The following CCNT1 variants were observed in gnomAD, a reference collection of about 807,000 sequenced individuals.
The protein encoded by CCNT1 is cyclin-T1.
Under a neutral mutation model 67.3 loss-of-function variants are expected in CCNT1, and 18 were observed. The observed-to-expected ratio is 0.27, with a 90% CI of 0.18 to 0.40. CCNT1 has a LOEUF of 0.40. Ranked by LOEUF, CCNT1 falls within the 10% of genes least tolerant of loss-of-function variation. The pLI is 1.00. For missense variants in CCNT1, 744 were observed against 884.9 expected (o/e 0.84, Z 2.02); for synonymous variants, 333 against 310.3 (o/e 1.07, Z -0.77).
chr12:48,704,455 T>C (rs1940323443), intron 3 of CCNT1, among the ~76,000 whole-genome samples: 1 of 152,158 alleles, frequency 6.6e-6, no homozygotes, highest in South Asian at 2.1e-4. Context: ...GAGAATCTAA[T>C]GCCTGATGAT....
intron 2 of CCNT1, 47 bp from the exon 3 acceptor site, chr12:48,705,943 C>T: frequency 6.4e-7 from 1 of 1,570,616 alleles, no homozygotes; most frequent in Non-Finnish European, 8.7e-7. Flanking sequence ...TTTATTCATT[C>T]ATAGAGTAAG....
At chr12:48,705,982 A>G in intron 2 of CCNT1, 86 bp from the exon 3 acceptor site, 1 of 1,324,388 alleles carries the variant, frequency 7.6e-7, no homozygotes, top group South Asian at 1.5e-5. Context: ...TAAGTCTCAA[A>G]TCAAGTTATT....
intron 2 of CCNT1, 61 bp downstream of exon 2, chr12:48,714,382 T>C (rs1046408778): frequency 2.9e-6 from 3 of 1,049,664 alleles, no homozygotes; most frequent in African/African-American, 1.6e-5. Flanking sequence ...CAACCACAAA[T>C]GGAATAGGTA....
intron 2 of CCNT1, among the ~76,000 whole-genome samples, chr12:48,709,153 A>G (rs11834833): frequency 0.013 from 2,030 of 152,298 alleles, 43 homozygotes; most frequent in African/African-American, 0.046. Context: ...TTTTAAGCCT[A>G]TTAGAAACTA....
At position 48,690,156 on chromosome 12, in the gene CCNT1, G is replaced by A. The variant is rs1267781559; in HGVS notation, c.*2877C>T. Reference sequence around the variant, plus strand: ...CTACAGTTCAGCTAACAGCAACACAGGTATCTGATTAAAAGCCTTAAGGAC... The same window carrying A: ...CTACAGTTCAGCTAACAGCAACACAAGTATCTGATTAAAAGCCTTAAGGAC... On this transcript the variant is annotated 3_prime_UTR_variant, in exon 9 of 9. Coordinates refer to ENST00000261900, the MANE Select transcript of CCNT1 (RefSeq NM_001240.4). 1.3e-5 allele frequency: 2 copies of A among 152,140 alleles called. No individual in the cohort carries two copies. Among genetic ancestry groups the A allele is most frequent in the African/African-American group, 2.4e-5 (1 of 41,424 alleles). 9.4% of individuals were successfully genotyped at this position (152,140 alleles called of 1,614,324 possible). A position where few individuals can be genotyped will look rare whatever the true frequency, so the allele number is the denominator to read the frequency against.
Position 48,697,532 on chromosome 12 carries a change from A to ATAT in CCNT1, c.542+605_542+606insATA, listed in dbSNP as rs1435532161. ...AGTGAGACTCTGTCTTAAAAAAAAA[A>ATAT]AAATATATATATATATATATATATA... On this transcript the variant is annotated intron_variant, in intron 6 of 8. Transcript: ENST00000261900. Among the ~76,000 whole-genome samples the ATAT allele has an allele frequency of 4.6e-3, 552 of 119,062 alleles. 6 individuals are homozygous for ATAT. Among genetic ancestry groups the ATAT allele is most frequent in the African/African-American group, 0.017 (527 of 30,744 alleles). 78.1% of individuals were successfully genotyped at this position (119,062 alleles called of 152,430 possible).
rs967603784 is a variant in CCNT1 at position 48,691,134 on chromosome 12, A to G, written c.*1899T>C. 1 of 152,234 alleles carries G rather than the reference A, an allele frequency of 6.6e-6. No homozygotes were observed. Among genetic ancestry groups the G allele is most frequent in the Non-Finnish European group, 1.5e-5 (1 of 68,044 alleles). 9.4% of individuals were successfully genotyped at this position (152,234 alleles called of 1,614,324 possible). A position where few individuals can be genotyped will look rare whatever the true frequency, so the allele number is the denominator to read the frequency against. On this transcript the variant is annotated 3_prime_UTR_variant, in exon 9 of 9. Coordinates refer to ENST00000261900, the MANE Select transcript of CCNT1 (RefSeq NM_001240.4). ...ACAGAGAGCTCCTCGTTTTATACCC[A>G]GCAATGGCAGGAACTCTAGACAGTT...
Position 48,693,109 on chromosome 12 carries a change from G to A in CCNT1, c.2105C>T (p.Ser702Phe). The A allele has an allele frequency of 6.2e-7, 1 of 1,614,124 alleles. No individual in the cohort carries two copies. The highest frequency in any genetic ancestry group is 1.1e-5 in the South Asian group (1 of 91,082). ...TGGCCGGGGTTTGTCTGTATTGCCA[G>A]ATCTCGAGGAGATTCCACCAGACCG... ...NPRSGGISSR[S>F]GNTDKPRPPP... Residue 702 changes from serine (S) to phenylalanine (F), a missense_variant, in exon 9 of 9, where the codon TCT becomes TTT. This residue lies in a region of CCNT1 where 564 missense variants were observed against 574.2 expected (regional missense o/e 0.98). Coordinates refer to ENST00000261900, the MANE Select transcript of CCNT1 (RefSeq NM_001240.4).
intron 3 of CCNT1, among the ~76,000 whole-genome samples, chr12:48,704,787 G>A (rs1028815891): frequency 7.2e-5 from 11 of 151,994 alleles, no homozygotes; most frequent in East Asian, 3.9e-4. Flanking sequence ...CCAGCCTGGC[G>A]ACAAGAGCAA....
intron 2 of CCNT1, among the ~76,000 whole-genome samples, chr12:48,707,288 CTTT>C (rs779298084): frequency 7.5e-5 from 10 of 133,250 alleles, no homozygotes; most frequent in African/African-American, 1.2e-4. Flanking sequence ...TTTTTTCTTT[CTTT>C]TTTTTTTTTT....
intron 8 of CCNT1, among the ~76,000 whole-genome samples, chr12:48,695,479 T>C (rs1940153606): frequency 1.3e-5 from 2 of 152,132 alleles, no homozygotes; most frequent in Non-Finnish European, 2.9e-5. Flanking sequence ...CGAGAAGCCA[T>C]GTTTTTTCCC....
chr12:48,705,745 C>T (rs778193076), intron 3 of CCNT1, 23 bp downstream of exon 3: 2 of 1,583,812 alleles, frequency 1.3e-6, no homozygotes, highest in African/African-American at 2.7e-5. Flanking sequence ...TTAAGAAAAA[C>T]AGATGTGTAA....
At chr12:48,698,411 T>C (rs1940213950) in intron 5 of CCNT1, among the ~76,000 whole-genome samples, 1 of 152,196 alleles carries the variant, frequency 6.6e-6, no homozygotes, top group Admixed American at 6.5e-5. Flanking sequence ...CAGATCTAGG[T>C]ACTCAAGCTT....
At position 48,694,495 on chromosome 12, in the gene CCNT1, G is replaced by A. The variant is rs555137940; in HGVS notation, c.778-59C>T. The A allele has an allele frequency of 2.8e-6, 4 of 1,453,596 alleles. No homozygotes were observed. The East Asian group carries it at 9.1e-5, about 33-fold the overall frequency. The allele number at this position is 1,453,596 out of a possible 1,614,324, so 90.0% of individuals were successfully genotyped here. A position where few individuals can be genotyped will look rare whatever the true frequency, so the allele number is the denominator to read the frequency against. On this transcript the variant is annotated intron_variant, in intron 8 of 8. Coordinates refer to ENST00000261900, the MANE Select transcript of CCNT1 (RefSeq NM_001240.4). Reference sequence around the variant, plus strand: ...GTAATTTACTAAATAAAAAAACACTGAGATGAGTAGATTGTACTTGCAGCA... The same window carrying A: ...GTAATTTACTAAATAAAAAAACACTAAGATGAGTAGATTGTACTTGCAGCA...
intron 2 of CCNT1, among the ~76,000 whole-genome samples, chr12:48,712,365 C>T (rs942861872): frequency 4.0e-5 from 6 of 151,380 alleles, no homozygotes; most frequent in African/African-American, 1.2e-4. Flanking sequence ...ACCACAACCT[C>T]GGCCTCCCCA....
At chr12:48,706,032 C>A (rs1940352675) in intron 2 of CCNT1, 136 bp from the exon 3 acceptor site, 2 of 699,416 alleles carry the variant, frequency 2.9e-6, no homozygotes, top group Non-Finnish European at 4.5e-6. Context: ...CCTTTCCCGC[C>A]CCCCCGCTTC....
rs146365302 is a variant in CCNT1 at position 48,715,806 on chromosome 12, T to C, written c.161+709A>G. 6.3e-4 allele frequency among the ~76,000 whole-genome samples: 96 copies of C among 152,302 alleles called. 2 individuals are homozygous for C. The East Asian group carries it at 0.017, about 27-fold the overall frequency. On this transcript the variant is annotated intron_variant, in intron 1 of 8. Coordinates refer to ENST00000261900, the MANE Select transcript of CCNT1 (RefSeq NM_001240.4). ...ATGAAATACATATCATCACTCTAAG[T>C]AAGTTAAGGACCCGGTATTTTGTAA... is the stretch of plus-strand genomic sequence containing the variant.
intron 4 of CCNT1, among the ~76,000 whole-genome samples, chr12:48,700,399 A>G (rs1037453051): frequency 6.6e-5 from 10 of 151,976 alleles, no homozygotes. Flanking sequence ...TCATATATAT[A>G]TATGTACAAA....
rs1361344927 is a variant in CCNT1, at chr12:48,693,587, C to T, written c.1627G>A (p.Gly543Ser). The change falls in exon 9 of 9, where the codon GGT becomes AGT. Residue 543 changes from glycine to serine, a missense_variant. By Grantham distance (56) the Gly-to-Ser change is moderately conservative. Transcript: ENST00000261900. ...LPVGTGNKRPGDPKHSSQTSN... is the reference protein window; with the variant it reads ...LPVGTGNKRPSDPKHSSQTSN... ...GTCTGGCTACTATGTTTTGGATCAC[C>T]AGGACGTTTGTTCCCAGTACCAACT... The T allele has an allele frequency of 1.9e-6, 3 of 1,614,108 alleles. No individual in the cohort carries two copies. The highest frequency in any genetic ancestry group is 1.7e-5 in the Admixed American group (1 of 60,018).
Sources: gnomAD v4.1 joint callset for allele counts (sites outside exome capture counted in the v4.1 genomes callset) on GRCh38, gnomAD v4.1.1 for gene constraint, gnomAD v4.1.1 regional missense constraint, MANE v1.5 for transcripts, NCBI Gene and HGNC (gene_info 2026-07-23, HGNC 2026-07-21) for gene names.